The following TJP1 variants were observed in gnomAD, a reference collection of about 807,000 sequenced individuals.
TJP1 encodes the protein tight junction protein 1, also known as tight junction protein ZO-1.
Under a neutral mutation model 194.2 loss-of-function variants are expected in TJP1, and 43 were observed. The ratio of observed to expected loss-of-function variants is 0.22; its 90% CI spans 0.17 to 0.29. The LOEUF is 0.29. TJP1 is among the 10% of genes least tolerant of loss of function. The pLI, the probability that TJP1 is intolerant of heterozygous loss-of-function variation, is 1.00. For synonymous variants in TJP1, 801 were observed against 779.0 expected (o/e 1.03, Z -0.47); for missense variants, 1,971 against 2,185.7 (o/e 0.90, Z 1.96).
At chr15:29,916,831 T>C (rs2054202404) in intron 2 of TJP1, among the ~76,000 whole-genome samples, 1 of 152,212 alleles carries the variant, frequency 6.6e-6, no homozygotes, top group South Asian at 2.1e-4. Context: ...CAGTATTAAC[T>C]AAACAATTAG....
intron 2 of TJP1, among the ~76,000 whole-genome samples, chr15:29,949,689 CCACCTCCACCACCACCACCTCCAT>C (rs2055553325): frequency 3.5e-5 from 4 of 115,584 alleles, no homozygotes; most frequent in Non-Finnish European, 7.5e-5. Flanking sequence ...ACCTTCACCA[CCACCTCCACCACCACCACCTCCAT>C]CACCTCCACC....
intron 1 of TJP1, among the ~76,000 whole-genome samples, chr15:29,807,533 G>T (rs1235113710): frequency 6.6e-6 from 1 of 152,192 alleles, no homozygotes; most frequent in African/African-American, 2.4e-5. Context: ...GATGAAGAGA[G>T]AGTGACAGTC....
intron 2 of TJP1, among the ~76,000 whole-genome samples, chr15:29,873,364 C>G (rs1026280975): frequency 2.0e-5 from 3 of 152,126 alleles, no homozygotes; most frequent in Admixed American, 2.0e-4. Flanking sequence ...AATTCAAAGG[C>G]GACATCCCTC....
chr15:29,880,978 C>A (rs1013037333), intron 2 of TJP1, among the ~76,000 whole-genome samples: 1 of 152,138 alleles, frequency 6.6e-6, no homozygotes, highest in Non-Finnish European at 1.5e-5. Flanking sequence ...ATTGCTAGAT[C>A]GTGTAATTCT....
At position 29,771,759 on chromosome 15, in the gene TJP1, C is replaced by T. The variant is rs540121109; in HGVS notation, c.312+305G>A. Among the ~76,000 whole-genome samples, 14 of 150,776 alleles carry T rather than the reference C, an allele frequency of 9.3e-5. No individual in the cohort carries two copies. In the East Asian group the frequency reaches 1.8e-3, roughly 19 times the overall value. ...GGCGGAGTTTGCAGTGAGCCGAGAC[C>T]GTACCACTGCACTCCAGCTTGGGCG... On this transcript the variant is annotated intron_variant, in intron 4 of 27. Coordinates refer to ENST00000614355, the MANE Select transcript of TJP1 (RefSeq NM_001330239.4).
intron 2 of TJP1, among the ~76,000 whole-genome samples, chr15:29,862,085 T>C (rs2052102283): frequency 6.6e-6 from 1 of 152,194 alleles, no homozygotes; most frequent in Non-Finnish European, 1.5e-5. Context: ...CCCAGCATCA[T>C]CTATTGAATT....
At chr15:29,773,881 G>T (rs984854718) in intron 2 of TJP1, among the ~76,000 whole-genome samples, 3 of 152,142 alleles carry the variant, frequency 2.0e-5, no homozygotes, top group Non-Finnish European at 4.4e-5. Flanking sequence ...AATAGAAGGT[G>T]TACATTAGCC....
At chr15:29,820,578 C>T in intron 1 of TJP1, 1 of 716,678 alleles carries the variant, frequency 1.4e-6, no homozygotes, top group South Asian at 1.5e-5. Flanking sequence ...TTGAAATAAC[C>T]TCTTAAAAAG....
At chr15:29,961,366 G>C (rs975166617) in intron 1 of TJP1, among the ~76,000 whole-genome samples, 3 of 127,854 alleles carry the variant, frequency 2.3e-5, no homozygotes, top group African/African-American at 9.1e-5. Flanking sequence ...TTTTGAGACG[G>C]AGTCTCGCTC....
chr15:29,761,128 G>A lies in TJP1; in HGVS notation c.1010+11C>T. ...AACCCCTGTATTTTTTAAAAAAATA[G>A]GGTGTCTTACCTGCCATTGCTTGGC... On this transcript the variant is annotated intron_variant, in intron 8 of 27. Transcript: ENST00000614355. 5.1e-6 allele frequency: 8 copies of A among 1,565,938 alleles called. No individual in the cohort carries two copies. Among genetic ancestry groups the A allele is most frequent in the Non-Finnish European group, 6.0e-6 (7 of 1,157,672 alleles).
intron 2 of TJP1, among the ~76,000 whole-genome samples, chr15:29,894,712 C>T (rs548298532): frequency 1.3e-5 from 2 of 152,354 alleles, no homozygotes; most frequent in East Asian, 1.9e-4. Context: ...TCCACCCTCA[C>T]AGCAGCCTCT....
At chr15:29,752,669 C>T (rs984555238) in intron 8 of TJP1, among the ~76,000 whole-genome samples, 8 of 152,046 alleles carry the variant, frequency 5.3e-5, no homozygotes, top group African/African-American at 1.7e-4. Flanking sequence ...AATAACAGTT[C>T]GTTCACAAAA....
chr15:29,845,722 T>G (rs779132369), intron 2 of TJP1, among the ~76,000 whole-genome samples: 1 of 152,106 alleles, frequency 6.6e-6, no homozygotes, highest in Non-Finnish European at 1.5e-5. Context: ...GAGAATGGCG[T>G]GAAACCGGGA....
intron 8 of TJP1, among the ~76,000 whole-genome samples, chr15:29,757,983 G>A (rs2045755232): frequency 6.6e-6 from 1 of 152,196 alleles, no homozygotes; most frequent in Non-Finnish European, 1.5e-5. Flanking sequence ...AGGAAAACGA[G>A]GATGAAGACC....
chr15:29,912,631 G>A (rs2054051121), intron 2 of TJP1, among the ~76,000 whole-genome samples: 1 of 136,710 alleles, frequency 7.3e-6, no homozygotes, highest in Non-Finnish European at 1.5e-5. Flanking sequence ...GGGAGGAAGA[G>A]GTTACAGTGA....
At chr15:29,938,498 T>G (rs1263511975) in intron 2 of TJP1, among the ~76,000 whole-genome samples, 1 of 152,202 alleles carries the variant, frequency 6.6e-6, no homozygotes, top group Non-Finnish European at 1.5e-5. Context: ...GACCAATTAC[T>G]TGCAGAAAGT....
intron 27 of TJP1, among the ~76,000 whole-genome samples, chr15:29,703,806 C>A (rs1177347282): frequency 6.6e-6 from 1 of 152,004 alleles, no homozygotes; most frequent in African/African-American, 2.4e-5. Context: ...CCACGCCTGG[C>A]TAATTTTTGT....
At chr15:29,888,843 C>T (rs1056464901) in intron 2 of TJP1, among the ~76,000 whole-genome samples, 1 of 152,116 alleles carries the variant, frequency 6.6e-6, no homozygotes, top group Non-Finnish European at 1.5e-5. Context: ...CAGAGGAATG[C>T]GGGATGGCAT....
rs71103417 is a variant in TJP1 at position 29,943,628 on chromosome 15, CAAAAAAAAAAAAAAAAA to C, written c.306+12587_306+12603del. Among the ~76,000 whole-genome samples the C allele has an allele frequency of 9.8e-5, 5 of 51,020 alleles. 1 individual carries two copies. In the South Asian group the frequency reaches 4.8e-3, roughly 49 times the overall value. The allele number at this position is 51,020 out of a possible 152,430, so 33.5% of individuals were successfully genotyped here. ...GGCTGACAACAGTGAGACTCCATCT[CAAAAAAAAAAAAAAAAA>C]AAAAAAAAGGCAATATTTTCAGGCC... On this transcript the variant is annotated intron_variant, in intron 2 of 28. Coordinates refer to the TJP1 transcript ENST00000356107.
Sources: allele counts gnomAD v4.1 joint callset (sites outside exome capture counted in the v4.1 genomes callset), GRCh38; gene constraint gnomAD v4.1.1; transcripts MANE v1.5; gene names NCBI Gene and HGNC (gene_info 2026-07-23, HGNC 2026-07-21).